Variants in SAMD12 observed in about 807,000 individuals in gnomAD.
SAMD12 encodes the protein sterile alpha motif domain containing 12.
In SAMD12, 9 loss-of-function variants were observed where a neutral mutation model predicts 15.0. The observed-to-expected ratio is 0.60, with a 90% CI of 0.36 to 1.05. The LOEUF (loss-of-function observed/expected upper bound fraction) is 1.05. Ranked by LOEUF, SAMD12 falls within the 50% of genes least tolerant of loss-of-function variation. The pLI, the probability that SAMD12 is intolerant of heterozygous loss-of-function variation, is 0.01. For missense variants in SAMD12, 230 were observed against 234.2 expected (o/e 0.98, Z 0.12); for synonymous variants, 86 against 90.1 (o/e 0.96, Z 0.25).
At chr8:118,531,731 C>G (rs1195218217) in intron 2 of SAMD12, among the ~76,000 whole-genome samples, 1 of 152,034 alleles carries the variant, frequency 6.6e-6, no homozygotes, top group Non-Finnish European at 1.5e-5. Context: ...CTCTGTTTGT[C>G]TGTTATTGGT....
intron 3 of SAMD12, among the ~76,000 whole-genome samples, chr8:118,381,752 C>T (rs1366039945): frequency 1.3e-5 from 2 of 152,144 alleles, no homozygotes; most frequent in East Asian, 3.9e-4. Flanking sequence ...CCTGTGAGAC[C>T]CATTTTTGGA....
intron 3 of SAMD12, among the ~76,000 whole-genome samples, chr8:118,433,021 T>A (rs1480230649): frequency 1.3e-5 from 2 of 152,212 alleles, no homozygotes; most frequent in Non-Finnish European, 2.9e-5. Context: ...ACAGTAGGGA[T>A]GTTAGAAAGG....
chr8:118,248,553 G>A (rs1812748292), intron 4 of SAMD12, among the ~76,000 whole-genome samples: 1 of 151,990 alleles, frequency 6.6e-6, no homozygotes, highest in Admixed American at 6.6e-5. Context: ...GCAATCATGA[G>A]TATATATTCG....
chr8:118,592,834 GAT>G (rs894297481), intron 1 of SAMD12, among the ~76,000 whole-genome samples: 4 of 152,082 alleles, frequency 2.6e-5, no homozygotes, highest in African/African-American at 9.7e-5. Context: ...GGAAGAAAAA[GAT>G]AAAATTCTCT....
chr8:118,291,186 T>C (rs1420167926), intron 4 of SAMD12: 1 of 152,242 alleles, frequency 6.6e-6, no homozygotes, highest in Non-Finnish European at 1.5e-5. Flanking sequence ...GTTATCTTTA[T>C]ACATACACCT....
chr8:118,536,443 A>ACAC (rs1825845940), intron 2 of SAMD12, among the ~76,000 whole-genome samples: 6 of 140,778 alleles, frequency 4.3e-5, no homozygotes, highest in African/African-American at 1.4e-4. Flanking sequence ...CTGATACACA[A>ACAC]ACACACACAC....
chr8:118,469,501 T>A (rs1293434771), intron 2 of SAMD12, among the ~76,000 whole-genome samples: 1 of 11,492 alleles, frequency 8.7e-5, no homozygotes, highest in Non-Finnish European at 3.1e-4. Context: ...ATATATATAT[T>A]TTTATATAAT....
chr8:118,319,856 C>T (rs1816141166), intron 4 of SAMD12, among the ~76,000 whole-genome samples: 1 of 152,110 alleles, frequency 6.6e-6, no homozygotes, highest in African/African-American at 2.4e-5. Flanking sequence ...GTTTGAGATG[C>T]CTCTGGGATA....
At chr8:118,290,463 C>T (rs1374996953) in intron 4 of SAMD12, among the ~76,000 whole-genome samples, 3 of 152,188 alleles carry the variant, frequency 2.0e-5, no homozygotes, top group African/African-American at 7.2e-5. Flanking sequence ...CCACTGGTTG[C>T]CCTCAAAGGT....
intron 2 of SAMD12, among the ~76,000 whole-genome samples, chr8:118,489,420 T>G (rs1193777440): frequency 6.6e-6 from 1 of 152,192 alleles, no homozygotes; most frequent in South Asian, 2.1e-4. Flanking sequence ...TCTGAGGTCA[T>G]GAAGTTATTC....
intron 4 of SAMD12, among the ~76,000 whole-genome samples, chr8:118,251,272 T>C (rs1374435525): frequency 6.6e-6 from 1 of 152,112 alleles, no homozygotes; most frequent in African/African-American, 2.4e-5. Flanking sequence ...TTTCTAGTAG[T>C]GGTTGTAAAA....
chr8:118,436,353 G>A (rs766057634), intron 3 of SAMD12, among the ~76,000 whole-genome samples: 6 of 152,132 alleles, frequency 3.9e-5, no homozygotes, highest in Non-Finnish European at 7.4e-5. Context: ...AGAAACTAAC[G>A]TGTGGCATTA....
intron 4 of SAMD12, among the ~76,000 whole-genome samples, chr8:118,302,597 C>A (rs563437351): frequency 1.3e-5 from 2 of 152,272 alleles, no homozygotes; most frequent in East Asian, 3.9e-4. Flanking sequence ...GTAACTAATA[C>A]CTGGAGTTCA....
the SAMD12 span, among the ~76,000 whole-genome samples, chr8:118,183,530 T>C: frequency 6.7e-6 from 1 of 150,210 alleles, no homozygotes. Flanking sequence ...GCTCAATACA[T>C]GGATATACAG....
chr8:118,596,998 C>T (rs193256533), intron 1 of SAMD12, among the ~76,000 whole-genome samples: 5 of 152,018 alleles, frequency 3.3e-5, no homozygotes, highest in East Asian at 1.9e-4. Context: ...CAGGAATCCA[C>T]GGGGCAAAGA....
chr8:118,546,233 T>C (rs2131163534), intron 2 of SAMD12, among the ~76,000 whole-genome samples: 1 of 152,292 alleles, frequency 6.6e-6, no homozygotes, highest in African/African-American at 2.4e-5. Flanking sequence ...AATTAACATT[T>C]AAGCCAAGAC....
chr8:118,246,899 G>T (rs1023078202), intron 4 of SAMD12, among the ~76,000 whole-genome samples: 2 of 152,078 alleles, frequency 1.3e-5, no homozygotes, highest in Non-Finnish European at 2.9e-5. Flanking sequence ...CAAATAATTT[G>T]GTGTTACTAG....
intron 2 of SAMD12, among the ~76,000 whole-genome samples, chr8:118,511,826 AT>A (rs1825093811): frequency 6.6e-6 from 1 of 152,202 alleles, no homozygotes; most frequent in African/African-American, 2.4e-5. Flanking sequence ...GTGCCCATTT[AT>A]TTTGTAAAAC....
At chr8:118,169,537 G>A in the SAMD12 span, among the ~76,000 whole-genome samples, 1 of 152,134 alleles carries the variant, frequency 6.6e-6, no homozygotes, top group African/African-American at 2.4e-5. Context: ...AAGTCAGTAT[G>A]AAAATAAGAT....
Sources: allele counts gnomAD v4.1 joint callset (sites outside exome capture counted in the v4.1 genomes callset), GRCh38; gene constraint gnomAD v4.1.1; transcripts MANE v1.5; gene names NCBI Gene and HGNC (gene_info 2026-07-23, HGNC 2026-07-21).